The following ADCY8 variants were observed in gnomAD, a reference collection of about 807,000 sequenced individuals.
ADCY8 encodes adenylate cyclase type 8.
In ADCY8, 51 loss-of-function variants were observed where a neutral mutation model predicts 119.7. The observed-to-expected ratio is 0.43, with a 90% CI of 0.34 to 0.54. ADCY8 has a LOEUF of 0.54. Among genes scored for constraint, ADCY8 ranks in the 20% least tolerant of loss-of-function variants. ADCY8 has a pLI of 0.03. For synonymous variants in ADCY8, 665 were observed against 651.0 expected (o/e 1.02, Z -0.33); for missense variants, 1,383 against 1,598.8 (o/e 0.87, Z 2.30).
intron 15 of ADCY8, 45 bp downstream of exon 15, chr8:130,800,381 A>G (rs143218771): frequency 1.2e-6 from 2 of 1,610,988 alleles, no homozygotes; most frequent in African/African-American, 2.7e-5. Context: ...ACGCTTTGAC[A>G]ACGATGCCCA....
rs141942604 is a variant in ADCY8, at chr8:130,939,814, C to G, written c.1354-2614G>C. Among the ~76,000 whole-genome samples the G allele has an allele frequency of 2.6e-4, 39 of 152,324 alleles. 1 individual carries two copies. In the East Asian group the frequency reaches 6.4e-3, roughly 25 times the overall value. Reference sequence around the variant, plus strand: ...AGCCTTCTCAATGTTCAACATGCTGCTCCTTATCTTTTTTCGTTGAGCTTC... The same window carrying G: ...AGCCTTCTCAATGTTCAACATGCTGGTCCTTATCTTTTTTCGTTGAGCTTC... On this transcript the variant is annotated intron_variant, in intron 4 of 17. Transcript: ENST00000286355.
At chr8:130,881,025 C>T (rs1818752026) in intron 8 of ADCY8, among the ~76,000 whole-genome samples, 1 of 152,132 alleles carries the variant, frequency 6.6e-6, no homozygotes, top group South Asian at 2.1e-4. Flanking sequence ...CAAAAGACTC[C>T]TGTGAGGGAG....
intron 13 of ADCY8, among the ~76,000 whole-genome samples, chr8:130,820,253 G>C (rs539741815): frequency 6.6e-6 from 1 of 152,218 alleles, no homozygotes; most frequent in African/African-American, 2.4e-5. Flanking sequence ...CTGTGTTCTT[G>C]GGGTTTTGGG....
intron 5 of ADCY8, among the ~76,000 whole-genome samples, chr8:130,922,777 A>G (rs1820355430): frequency 6.6e-6 from 1 of 152,188 alleles, no homozygotes; most frequent in African/African-American, 2.4e-5. Flanking sequence ...TTCTTTAGGC[A>G]TAGTCTGTTT....
chr8:130,894,751 T>G (rs1355659441), intron 7 of ADCY8, among the ~76,000 whole-genome samples: 1 of 152,150 alleles, frequency 6.6e-6, no homozygotes, highest in Non-Finnish European at 1.5e-5. Flanking sequence ...AAAATATCCG[T>G]TATCTTTTCT....
chr8:130,990,146 A>G (rs1822529669), intron 2 of ADCY8, among the ~76,000 whole-genome samples: 1 of 152,250 alleles, frequency 6.6e-6, no homozygotes, highest in Non-Finnish European at 1.5e-5. Flanking sequence ...GAAAGGTGTC[A>G]GAAAATAAAT....
In ADCY8 at chr8:131,039,525, C is replaced by T. The variant is rs868715058; in HGVS notation, c.809G>A (p.Gly270Asp). ...AGLGYGLLGD[G>D]IGYVLFTLFA... The stretch of plus-strand genomic sequence containing the variant: ...GAGCGTGAAGAGCACGTAGCCTATG[C>T]CGTCGCCCAGGAGCCCGTAGCCGAG... Residue 270 changes from glycine to aspartate, a missense_variant, in exon 1 of 18, where the codon GGC becomes GAC. Gly to Asp is a moderately conservative substitution (Grantham distance 94, BLOSUM62 -1). Coordinates refer to ENST00000286355, the MANE Select transcript of ADCY8 (RefSeq NM_001115.3). The T allele has an allele frequency of 1.2e-6, 2 of 1,613,814 alleles. No individual in the cohort carries two copies. The highest frequency in any genetic ancestry group is 1.7e-5 in the Admixed American group (1 of 60,018).
chr8:130,842,444 C>T (rs1817174362), intron 11 of ADCY8, among the ~76,000 whole-genome samples: 1 of 152,054 alleles, frequency 6.6e-6, no homozygotes. Flanking sequence ...TTGAAGTTGT[C>T]CCCAGTACTG....
intron 5 of ADCY8, among the ~76,000 whole-genome samples, chr8:130,922,665 C>A (rs975755557): frequency 6.6e-6 from 1 of 152,200 alleles, no homozygotes; most frequent in African/African-American, 2.4e-5. Context: ...CACCTTCCCC[C>A]CTTTCTATTC....
chr8:130,992,394 TATATATATATA>T (rs1563758985), intron 1 of ADCY8, among the ~76,000 whole-genome samples: 1 of 117,760 alleles, frequency 8.5e-6, no homozygotes, highest in African/African-American at 4.0e-5. Context: ...TATATATATA[TATATATATATA>T]TATATATATA....
intron 12 of ADCY8, among the ~76,000 whole-genome samples, chr8:130,823,383 G>A (rs1816578543): frequency 6.6e-6 from 1 of 152,152 alleles, no homozygotes; most frequent in Non-Finnish European, 1.5e-5. Flanking sequence ...TTTTATTTTT[G>A]TAGTTTCAAT....
At chr8:130,852,120 G>A (rs1405564830) in intron 9 of ADCY8, among the ~76,000 whole-genome samples, 1 of 152,180 alleles carries the variant, frequency 6.6e-6, no homozygotes, top group East Asian at 1.9e-4. Context: ...GGAGTGCATG[G>A]CATCATGGCA....
chr8:130,956,909 T>C (rs1282579457), intron 2 of ADCY8, among the ~76,000 whole-genome samples: 1 of 152,350 alleles, frequency 6.6e-6, no homozygotes, highest in East Asian at 1.9e-4. Flanking sequence ...CCCAGCCATG[T>C]GGAAATGTAA....
chr8:130,974,648 A>C (rs2130711375), intron 2 of ADCY8, among the ~76,000 whole-genome samples: 1 of 152,314 alleles, frequency 6.6e-6, no homozygotes, highest in East Asian at 1.9e-4. Context: ...GCAGTTGAAA[A>C]AATAAAAAGG....
At chr8:130,864,140 T>C (rs1467258576) in intron 9 of ADCY8, among the ~76,000 whole-genome samples, 1 of 152,210 alleles carries the variant, frequency 6.6e-6, no homozygotes, top group Non-Finnish European at 1.5e-5. Context: ...CTTGCTTACA[T>C]GGTTTCTGAC....
intron 13 of ADCY8, among the ~76,000 whole-genome samples, chr8:130,818,635 C>G (rs1245162635): frequency 2.0e-5 from 3 of 152,188 alleles, no homozygotes; most frequent in Non-Finnish European, 4.4e-5. Flanking sequence ...TTATTTAGCC[C>G]CTATTAAAAA....
At chr8:130,999,033 G>A (rs9297816) in intron 1 of ADCY8, among the ~76,000 whole-genome samples, 54,785 of 151,866 alleles carry the variant, frequency 0.36, 10,024 homozygotes, top group Admixed American at 0.43. Flanking sequence ...TGATGATCAC[G>A]TATAACCCTG....
chr8:130,973,972 G>A (rs1821997289), intron 2 of ADCY8, among the ~76,000 whole-genome samples: 1 of 152,204 alleles, frequency 6.6e-6, no homozygotes, highest in Admixed American at 6.5e-5. Context: ...ACTCAACAAT[G>A]CAGATGACAG....
Position 130,797,417 on chromosome 8 carries a change from A to G in ADCY8, c.3060+3009T>C, listed in dbSNP as rs118190941. Among the ~76,000 whole-genome samples the G allele has an allele frequency of 1.3e-3, 201 of 152,294 alleles. 2 individuals carry two copies. In the East Asian group the frequency reaches 0.035, roughly 26 times the overall value. ...GTCAGATATTTTTAATAGGGTAATTAAAAAAATTGGAAGTATGTTTTGAAT... is the reference window on the plus strand; with the variant it reads ...GTCAGATATTTTTAATAGGGTAATTGAAAAAATTGGAAGTATGTTTTGAAT... On this transcript the variant is annotated intron_variant, in intron 15 of 17. Coordinates refer to ENST00000286355, the MANE Select transcript of ADCY8 (RefSeq NM_001115.3).
Sources: gnomAD v4.1 joint callset for allele counts (sites outside exome capture counted in the v4.1 genomes callset) on GRCh38, gnomAD v4.1.1 for gene constraint, MANE v1.5 for transcripts, NCBI Gene and HGNC (gene_info 2026-07-23, HGNC 2026-07-21) for gene names.